The following MMP26 variants were observed in gnomAD, a reference collection of about 807,000 sequenced individuals.
MMP26 encodes matrix metallopeptidase 26, also known as matrix metalloproteinase-26.
In MMP26, 33 loss-of-function variants were observed where a neutral mutation model predicts 31.0. The observed-to-expected ratio is 1.06, with a 90% confidence interval of 0.81 to 1.42. MMP26 has a LOEUF of 1.42. Ranked by LOEUF, MMP26 falls within the 40% of genes most tolerant of loss-of-function variation. The probability of loss-of-function intolerance (pLI) is 0.00; values close to 1 mark genes in which losing one functional copy is unlikely to be tolerated. For synonymous variants in MMP26, 122 were observed against 114.9 expected (o/e 1.06, Z -0.40); for missense variants, 347 against 316.1 (o/e 1.10, Z -0.74).
intron 1 of MMP26, among the ~76,000 whole-genome samples, chr11:4,705,766 G>A (rs570357816): frequency 3.9e-5 from 6 of 152,246 alleles, no homozygotes; most frequent in Non-Finnish European, 8.8e-5. Context: ...GAAGTGGGCA[G>A]ATCACGAGGT....
intron 2 of MMP26, among the ~76,000 whole-genome samples, chr11:4,786,511 T>TTA (rs1263378863): frequency 5.4e-5 from 8 of 147,438 alleles, no homozygotes; most frequent in Admixed American, 6.8e-5. Flanking sequence ...TTTTTTTTTT[T>TTA]TTTTTTTTTT....
At chr11:4,719,162 C>T (rs1847976559) in intron 1 of MMP26, 1 of 155,306 alleles carries the variant, frequency 6.4e-6, no homozygotes, top group Admixed American at 6.5e-5. Context: ...TGCTTTTACC[C>T]TGATGTGATG....
intron 2 of MMP26, among the ~76,000 whole-genome samples, chr11:4,951,257 A>G (rs1846370566): frequency 8.0e-6 from 1 of 124,226 alleles, no homozygotes; most frequent in African/African-American, 2.7e-5. Context: ...TAAAATTTTC[A>G]TGACTCCAGA....
intron 2 of MMP26, among the ~76,000 whole-genome samples, chr11:4,941,695 A>G (rs1449701861): frequency 6.6e-6 from 1 of 152,136 alleles, no homozygotes; most frequent in Non-Finnish European, 1.5e-5. Context: ...ATGGAAGCAA[A>G]TCTGTCAATA....
intron 2 of MMP26, among the ~76,000 whole-genome samples, chr11:4,985,827 A>C (rs1489974322): frequency 3.3e-5 from 5 of 152,236 alleles, no homozygotes; most frequent in African/African-American, 2.4e-5. Context: ...ATATCAGTCA[A>C]GAAATAGACA....
At chr11:4,740,645 T>G (rs1848299903) in intron 1 of MMP26, among the ~76,000 whole-genome samples, 1 of 147,898 alleles carries the variant, frequency 6.8e-6, no homozygotes, top group Admixed American at 6.8e-5. Context: ...ATTGCACCAC[T>G]GCACTCCAGC....
intron 1 of MMP26, among the ~76,000 whole-genome samples, chr11:4,726,394 G>C (rs762557924): frequency 6.6e-6 from 1 of 151,862 alleles, no homozygotes; most frequent in South Asian, 2.1e-4. Context: ...CCCGGGAGAC[G>C]GAGGTTGAAA....
chr11:4,857,259 C>G (rs1338339280), intron 2 of MMP26, among the ~76,000 whole-genome samples: 1 of 99,060 alleles, frequency 1.0e-5, no homozygotes, highest in African/African-American at 3.7e-5. Flanking sequence ...ACAAAAAAAC[C>G]CTTAAAAAAA....
At chr11:4,907,540 GC>G in intron 2 of MMP26, 1 of 1,614,014 alleles carries the variant, frequency 6.2e-7, no homozygotes, top group South Asian at 1.1e-5. Flanking sequence ...CGCTTCATGA[GC>G]CCATGTATTA....
intron 1 of MMP26, among the ~76,000 whole-genome samples, chr11:4,725,597 G>A (rs920408406): frequency 2.0e-5 from 3 of 152,176 alleles, no homozygotes; most frequent in African/African-American, 7.2e-5. Context: ...AGAAGGTGCT[G>A]TTAAATGGGG....
intron 2 of MMP26, chr11:4,877,494 G>C (rs1277029849): frequency 6.6e-6 from 1 of 152,170 alleles, no homozygotes; most frequent in African/African-American, 2.4e-5. Flanking sequence ...GTGGGGCTAG[G>C]GTTAGCCCTT....
intron 1 of MMP26, among the ~76,000 whole-genome samples, chr11:4,750,684 C>A (rs557295879): frequency 4.6e-5 from 7 of 151,996 alleles, no homozygotes; most frequent in Non-Finnish European, 1.0e-4. Flanking sequence ...AAGTAAAATA[C>A]TGCATGTTCT....
Position 4,765,209 on chromosome 11 carries a change from A to G in MMP26, c.-216-2061A>G, listed in dbSNP as rs538018511. ...ATTGCCCAGGAGCTGTTTCTAGGCA[A>G]TCACTGACCATGGCAGAGAAACTGA... On this transcript the variant is annotated intron_variant, in intron 1 of 7. Coordinates refer to ENST00000380390, the MANE Select transcript of MMP26 (RefSeq NM_021801.5). Among the ~76,000 whole-genome samples the G allele has an allele frequency of 7.9e-5, 12 of 152,306 alleles. No homozygotes were observed. In the South Asian group the frequency reaches 2.5e-3, roughly 32 times the overall value.
chr11:4,734,847 T>TATAAGCAGGG (rs1283235627), intron 1 of MMP26, among the ~76,000 whole-genome samples: 33 of 59,752 alleles, frequency 5.5e-4, no homozygotes, highest in African/African-American at 8.8e-4. Context: ...TAGCATATTT[T>TATAAGCAGGG]CAGCTTGTAT....
chr11:4,788,180 T>C (rs1848974344), intron 2 of MMP26, among the ~76,000 whole-genome samples: 1 of 152,138 alleles, frequency 6.6e-6, no homozygotes, highest in African/African-American at 2.4e-5. Context: ...TATGACCCTA[T>C]TCCTCTTCAA....
intron 2 of MMP26, among the ~76,000 whole-genome samples, chr11:4,858,444 C>A (rs1214302101): frequency 6.6e-6 from 1 of 151,914 alleles, no homozygotes; most frequent in Non-Finnish European, 1.5e-5. Flanking sequence ...AGACAGAGAG[C>A]CAAATCATGA....
intron 2 of MMP26, chr11:4,821,764 G>C: frequency 6.2e-7 from 1 of 1,613,878 alleles, no homozygotes; most frequent in Non-Finnish European, 8.5e-7. Context: ...CATGGAGTCT[G>C]GGGTTCTACT....
rs764572822 is a variant in MMP26, at chr11:4,914,742, C to T, written c.-144-73326C>T. 9 of 1,612,480 alleles carry T rather than the reference C, an allele frequency of 5.6e-6. No homozygotes were observed. In the Admixed American group the frequency reaches 1.2e-4, roughly 21 times the overall value. ...AGTTAGTAACAAAAGGCATGCGTCA[C>T]TCGATCCCGGATCTGTTTGGTCTTC... On this transcript the variant is annotated intron_variant, in intron 2 of 7. Coordinates refer to ENST00000380390, the MANE Select transcript of MMP26 (RefSeq NM_021801.5).
intron 2 of MMP26, among the ~76,000 whole-genome samples, chr11:4,924,708 C>T (rs1851244267): frequency 6.6e-6 from 1 of 152,034 alleles, no homozygotes; most frequent in Non-Finnish European, 1.5e-5. Flanking sequence ...AGGACTGGAT[C>T]TAGAGATGGG....
Sources: allele counts gnomAD v4.1 joint callset (sites outside exome capture counted in the v4.1 genomes callset), GRCh38; gene constraint gnomAD v4.1.1; transcripts MANE v1.5; gene names NCBI Gene and HGNC (gene_info 2026-07-23, HGNC 2026-07-21).